STK10: variants seen among roughly 807,000 people sequenced by gnomAD.
The protein encoded by STK10 is serine/threonine kinase 10.
In STK10, 78 loss-of-function variants were observed where a neutral mutation model predicts 113.8. That is an observed-to-expected ratio of 0.69 (90% CI 0.57 to 0.83). The LOEUF is 0.83. Among genes scored for constraint, STK10 ranks in the 40% least tolerant of loss-of-function variants. STK10 has a pLI of 0.00. For missense variants in STK10, 1,109 were observed against 1,280.1 expected, an observed-to-expected ratio of 0.87 and a Z score of 2.04; for synonymous variants, 465 against 494.7, an observed-to-expected ratio of 0.94 and a Z score of 0.80.
At chr5:172,153,711 C>G (rs1230620427) in intron 2 of STK10, among the ~76,000 whole-genome samples, 1 of 152,228 alleles carries the variant, frequency 6.6e-6, no homozygotes, top group Non-Finnish European at 1.5e-5. Context: ...GGGGCCCAGG[C>G]CTGGTCACAA....
At chr5:172,104,946 G>A (rs1302127512) in intron 7 of STK10, among the ~76,000 whole-genome samples, 1 of 152,062 alleles carries the variant, frequency 6.6e-6, no homozygotes, top group African/African-American at 2.4e-5. Flanking sequence ...ACTGGGAGAG[G>A]GCTCTGGAAG....
chr5:172,104,647 T>A (rs1263770650), intron 7 of STK10, among the ~76,000 whole-genome samples: 1 of 151,990 alleles, frequency 6.6e-6, no homozygotes, highest in Non-Finnish European at 1.5e-5. Flanking sequence ...GGACCCTGTG[T>A]GCAGAAAATA....
In STK10 at chr5:172,120,258, C is replaced by T; in HGVS notation, c.371-2628G>A. On this transcript the variant is annotated intron_variant, in intron 3 of 18. Transcript: ENST00000176763. The surrounding 1 kb of genome is among the most constrained non-coding windows in gnomAD (Gnocchi z 4.0). ...CGAGTCTTCCCTCTGCCTACAACAG[C>T]ACTGCTGTGTCCGGCTTGCCTAGTG... Among the ~76,000 whole-genome samples, 1 of 152,226 alleles carries T rather than the reference C, an allele frequency of 6.6e-6. No individual in the cohort carries two copies. Among genetic ancestry groups the T allele is most frequent in the Non-Finnish European group, 1.5e-5 (1 of 68,034 alleles).
At chr5:172,089,399 T>TGGATGGATGGATGGATGGATGGAA (rs1768637009) in intron 10 of STK10, among the ~76,000 whole-genome samples, 1 of 124,184 alleles carries the variant, frequency 8.1e-6, no homozygotes, top group African/African-American at 3.5e-5. Flanking sequence ...GATACATGGA[T>TGGATGGATGGATGGATGGATGGAA]GGATGGATGG....
At chr5:172,148,662 G>A (rs930932935) in intron 2 of STK10, among the ~76,000 whole-genome samples, 8 of 152,214 alleles carry the variant, frequency 5.3e-5, no homozygotes, top group South Asian at 2.1e-4. Flanking sequence ...ACATTCTGCC[G>A]GACGATGGCC....
chr5:172,188,205 G>C lies in STK10; in HGVS notation c.-163C>G. Reference sequence around the variant, plus strand: ...CCCGACCTCGGTCAAGTGTGCCCTGGGCAGCGCCGCGCCGGGAGCACCCGG... The same window carrying C: ...CCCGACCTCGGTCAAGTGTGCCCTGCGCAGCGCCGCGCCGGGAGCACCCGG... On this transcript the variant is annotated 5_prime_UTR_variant, in exon 1 of 19. Coordinates refer to ENST00000176763, the MANE Select transcript of STK10 (RefSeq NM_005990.4). This position sits in a 1 kb window ranked among gnomAD's most constrained non-coding sequence, Gnocchi z 5.6. 2.4e-6 allele frequency: 3 copies of C among 1,240,728 alleles called. No individual in the cohort carries two copies. Among genetic ancestry groups the C allele is most frequent in the Non-Finnish European group, 3.2e-6 (3 of 947,376 alleles). The allele number at this position is 1,240,728 out of a possible 1,614,324, so 76.9% of individuals were successfully genotyped here. A position where few individuals can be genotyped will look rare whatever the true frequency, so the allele number is the denominator to read the frequency against.
chr5:172,151,636 G>A (rs1384303561), intron 2 of STK10, among the ~76,000 whole-genome samples: 1 of 152,148 alleles, frequency 6.6e-6, no homozygotes, highest in South Asian at 2.1e-4. Flanking sequence ...GAGCCACTGC[G>A]CCCGGCCCAC....
chr5:172,178,186 T>C (rs1770789213), intron 1 of STK10, among the ~76,000 whole-genome samples: 1 of 152,140 alleles, frequency 6.6e-6, no homozygotes, highest in Admixed American at 6.5e-5. Context: ...TTCTGTGAAA[T>C]CTCTTCATTT....
intron 1 of STK10, among the ~76,000 whole-genome samples, chr5:172,183,078 G>A (rs1770892125): frequency 6.6e-6 from 1 of 152,032 alleles, no homozygotes; most frequent in Non-Finnish European, 1.5e-5. Flanking sequence ...GTGGTGGCGT[G>A]TGCCTGTAGT....
At chr5:172,083,911 C>T in intron 10 of STK10, among the ~76,000 whole-genome samples, 1 of 47,920 alleles carries the variant, frequency 2.1e-5, no homozygotes, top group South Asian at 6.2e-4. Context: ...TCCGTCTCAA[C>T]AACACAAAAA....
At chr5:172,049,205 G>A (rs1475268405) in intron 18 of STK10, among the ~76,000 whole-genome samples, 1 of 152,086 alleles carries the variant, frequency 6.6e-6, no homozygotes, top group Non-Finnish European at 1.5e-5. Flanking sequence ...AACAGCGTGG[G>A]GCACTTAGCA....
At chr5:172,047,735 G>A (rs1467802514) in intron 18 of STK10, among the ~76,000 whole-genome samples, 2 of 152,126 alleles carry the variant, frequency 1.3e-5, no homozygotes, top group South Asian at 2.1e-4. Flanking sequence ...TTCAGGACCC[G>A]TGGGCATGAG....
chr5:172,167,553 C>CA (rs1770593429), intron 1 of STK10, among the ~76,000 whole-genome samples: 1 of 152,166 alleles, frequency 6.6e-6, no homozygotes, highest in Non-Finnish European at 1.5e-5. Flanking sequence ...GGGACTGGTG[C>CA]AAATAAGCCT....
chr5:172,058,412 G>A (rs990970322), intron 14 of STK10, among the ~76,000 whole-genome samples: 25 of 152,170 alleles, frequency 1.6e-4, no homozygotes, highest in Admixed American at 1.4e-3. Flanking sequence ...CAAATAATAA[G>A]AGGTTTATCT....
intron 17 of STK10, among the ~76,000 whole-genome samples, chr5:172,054,229 A>AC (rs1767695566): frequency 6.6e-6 from 1 of 152,090 alleles, no homozygotes; most frequent in Admixed American, 6.6e-5. Context: ...CCACACCCCA[A>AC]CCACCTTTGC....
At chr5:172,128,434 G>A (rs1769676560) in intron 2 of STK10, among the ~76,000 whole-genome samples, 1 of 150,196 alleles carries the variant, frequency 6.7e-6, no homozygotes, top group African/African-American at 2.5e-5. Context: ...GGGTTCAAGT[G>A]ATTCTCCTGC....
At chr5:172,097,933 C>T (rs1362188910) in intron 7 of STK10, among the ~76,000 whole-genome samples, 2 of 152,110 alleles carry the variant, frequency 1.3e-5, no homozygotes, top group Non-Finnish European at 2.9e-5. Flanking sequence ...AGTGAGGGCA[C>T]CCGGGTATAG....
chr5:172,114,288 T>TTGTGTG lies in STK10; in HGVS notation c.520+3192_520+3193insCACACA, dbSNP rs1769313778. ...ATTGTGTACAGGACTCTAGCTACTC[T>TTGTGTG]CGTGTGTGTGTGTGTGTGTGTGTGT... On this transcript the variant is annotated intron_variant, in intron 4 of 18. Coordinates refer to ENST00000176763, the MANE Select transcript of STK10 (RefSeq NM_005990.4). Among the ~76,000 whole-genome samples, 4 of 113,394 alleles carry TTGTGTG rather than the reference T, an allele frequency of 3.5e-5. No homozygotes were observed. In the South Asian group the frequency reaches 9.9e-4, roughly 28 times the overall value. The allele number at this position is 113,394 out of a possible 152,430, so 74.4% of individuals were successfully genotyped here.
chr5:172,141,601 T>G (rs1405071439), intron 2 of STK10, among the ~76,000 whole-genome samples: 1 of 147,718 alleles, frequency 6.8e-6, no homozygotes, highest in Non-Finnish European at 1.5e-5. Context: ...AAAAAAAAAT[T>G]TAAAAGAGAG....
Sources: allele counts gnomAD v4.1 joint callset (sites outside exome capture counted in the v4.1 genomes callset), GRCh38; gene constraint gnomAD v4.1.1; non-coding constraint Gnocchi (gnomAD v3.1); transcripts MANE v1.5; gene names NCBI Gene and HGNC (gene_info 2026-07-23, HGNC 2026-07-21).